The following CSGALNACT1 variants were observed in gnomAD, a reference collection of about 807,000 sequenced individuals.
The protein encoded by CSGALNACT1 is beta4GalNAcT-1.
Under a neutral mutation model 51.0 loss-of-function variants are expected in CSGALNACT1, and 52 were observed. That is an observed-to-expected ratio of 1.02 (90% CI 0.82 to 1.29). The LOEUF (loss-of-function observed/expected upper bound fraction) is 1.29, where lower values mean the gene tolerates loss of function less well. Ranked by LOEUF, CSGALNACT1 falls within the 50% of genes most tolerant of loss-of-function variation. CSGALNACT1 has a pLI of 0.00. For missense variants in CSGALNACT1, 935 were observed against 679.2 expected (o/e 1.38, Z -4.19); for synonymous variants, 341 against 254.4 (o/e 1.34, Z -3.24).
At chr8:19,670,114 G>A (rs1018448332) in intron 1 of CSGALNACT1, among the ~76,000 whole-genome samples, 4 of 152,042 alleles carry the variant, frequency 2.6e-5, no homozygotes, top group Admixed American at 6.6e-5. Context: ...TCCCCAGATC[G>A]CATGCAACTT....
chr8:19,676,476 A>G (rs2094724349), intron 1 of CSGALNACT1, among the ~76,000 whole-genome samples: 1 of 152,252 alleles, frequency 6.6e-6, no homozygotes, highest in South Asian at 2.1e-4. Flanking sequence ...GGTAACAGTC[A>G]AGAAAAGTCA....
chr8:19,610,012 A>G (rs2051983846), intron 1 of CSGALNACT1, among the ~76,000 whole-genome samples: 1 of 152,016 alleles, frequency 6.6e-6, no homozygotes, highest in South Asian at 2.1e-4. Context: ...CGAGGTCAGG[A>G]GTTCAAGACG....
Position 19,757,876 on chromosome 8 carries a change from C to T in CSGALNACT1, c.-323G>A, listed in dbSNP as rs950669323. 2.0e-5 allele frequency: 3 copies of T among 152,420 alleles called. No individual in the cohort carries two copies. Among genetic ancestry groups the T allele is most frequent in the Admixed American group, 2.0e-4 (3 of 15,280 alleles). 9.4% of individuals were successfully genotyped at this position (152,420 alleles called of 1,614,324 possible). On this transcript the variant is annotated 5_prime_UTR_variant, in exon 1 of 2. Coordinates refer to the CSGALNACT1 transcript ENST00000517494. This position sits in a 1 kb window ranked among gnomAD's most constrained non-coding sequence, Gnocchi z 4.0. ...GCGAAGGTCAGGAACCCCTGTAACT[C>T]TCACACCGCACCACTGTGGGTAAGC...
At chr8:19,567,594 CT>C (rs748279634) in intron 3 of CSGALNACT1, among the ~76,000 whole-genome samples, 40 of 152,312 alleles carry the variant, frequency 2.6e-4, no homozygotes, top group Admixed American at 9.1e-4. Flanking sequence ...ACTACCATCA[CT>C]TTTCTTAAAC....
intron 1 of CSGALNACT1, among the ~76,000 whole-genome samples, chr8:19,667,883 A>C (rs1313733302): frequency 1.3e-5 from 2 of 152,246 alleles, no homozygotes; most frequent in Non-Finnish European, 2.9e-5. Context: ...TATTAAACTC[A>C]ATGAACGATC....
At chr8:19,465,967 A>C (rs12550144) in intron 4 of CSGALNACT1, among the ~76,000 whole-genome samples, 5,201 of 152,302 alleles carry the variant, frequency 0.034, 327 homozygotes, top group African/African-American at 0.12. Context: ...AGAATAAACA[A>C]GGTAAAGTCT....
intron 1 of CSGALNACT1, among the ~76,000 whole-genome samples, chr8:19,747,004 T>C (rs1028983538): frequency 1.3e-5 from 2 of 152,184 alleles, no homozygotes; most frequent in African/African-American, 4.8e-5. Context: ...GCCTTCACTT[T>C]AGTGGGTGGC....
intron 1 of CSGALNACT1, among the ~76,000 whole-genome samples, chr8:19,646,426 G>A (rs1169410334): frequency 6.6e-6 from 1 of 152,162 alleles, no homozygotes. Context: ...AAGATAATTT[G>A]AAGAGATACT....
intron 2 of CSGALNACT1, among the ~76,000 whole-genome samples, chr8:19,599,520 G>GAAAGAAAAGA (rs1554751496): frequency 1.6e-5 from 2 of 127,156 alleles, no homozygotes; most frequent in African/African-American, 5.8e-5. Flanking sequence ...AAGAAAGAAA[G>GAAAGAAAAGA]AAAGAAAAGA....
intron 4 of CSGALNACT1, among the ~76,000 whole-genome samples, chr8:19,473,268 T>C (rs2068633531): frequency 6.6e-6 from 1 of 152,200 alleles, no homozygotes; most frequent in South Asian, 2.1e-4. Context: ...TGATATTGCT[T>C]GAAAAACCCA....
intron 3 of CSGALNACT1, among the ~76,000 whole-genome samples, chr8:19,529,163 G>A (rs920735842): frequency 2.6e-5 from 4 of 152,168 alleles, no homozygotes; most frequent in Admixed American, 6.5e-5. Context: ...GGGGTCAACG[G>A]TAACTTAAAA....
intron 3 of CSGALNACT1, among the ~76,000 whole-genome samples, chr8:19,587,267 T>C (rs2154129289): frequency 6.6e-6 from 1 of 152,330 alleles, no homozygotes; most frequent in African/African-American, 2.4e-5. Context: ...TGTAGTTTTA[T>C]TAAAGCTCCA....
rs117004729 is a variant in CSGALNACT1, at chr8:19,423,857, T to C, written c.954-3339A>G. Among the ~76,000 whole-genome samples the C allele has an allele frequency of 1.1e-4, 17 of 152,318 alleles. No individual in the cohort carries two copies. The East Asian group carries it at 2.7e-3, about 24-fold the overall frequency. Reference sequence around the variant, plus strand: ...GCACTACCCAATCTGAATATGCATTTTGAATTCACTTCATGTGTCCACAGG... The same window carrying C: ...GCACTACCCAATCTGAATATGCATTCTGAATTCACTTCATGTGTCCACAGG... On this transcript the variant is annotated intron_variant, in intron 6 of 9. Coordinates refer to ENST00000454498, the Ensembl canonical transcript of CSGALNACT1.
At chr8:19,412,536 C>A (rs2056025559) in intron 8 of CSGALNACT1, among the ~76,000 whole-genome samples, 1 of 152,194 alleles carries the variant, frequency 6.6e-6, no homozygotes, top group South Asian at 2.1e-4. Flanking sequence ...GGCAGAGCGC[C>A]TCCTTTCAAT....
At chr8:19,644,561 T>C (rs1347046668) in intron 1 of CSGALNACT1, among the ~76,000 whole-genome samples, 2 of 151,076 alleles carry the variant, frequency 1.3e-5, no homozygotes, top group Non-Finnish European at 3.0e-5. Context: ...AATACAAAAA[T>C]TAGCTGGGCA....
intron 8 of CSGALNACT1, among the ~76,000 whole-genome samples, chr8:19,415,699 T>C (rs1431357701): frequency 6.6e-6 from 1 of 152,232 alleles, no homozygotes; most frequent in East Asian, 1.9e-4. Flanking sequence ...GAATTTGAAA[T>C]GGAAATGTTA....
chr8:19,654,450 C>A (rs1216430485), intron 1 of CSGALNACT1, among the ~76,000 whole-genome samples: 1 of 152,152 alleles, frequency 6.6e-6, no homozygotes, highest in Non-Finnish European at 1.5e-5. Flanking sequence ...CACAGCAGCC[C>A]CAACTCCTTA....
At chr8:19,543,142 T>C (rs1237583249) in intron 3 of CSGALNACT1, among the ~76,000 whole-genome samples, 2 of 152,194 alleles carry the variant, frequency 1.3e-5, no homozygotes, top group Non-Finnish European at 2.9e-5. Context: ...TAGATGTATA[T>C]TATATACAGA....
Position 19,574,312 on chromosome 8 carries a change from C to T in CSGALNACT1, c.-297+16848G>A, listed in dbSNP as rs1414981313. On this transcript the variant is annotated intron_variant, in intron 3 of 9. Transcript: ENST00000454498. ...CCATCTCTCCTGCAGGTCCTCCAGA[C>T]CCAGCAAATGCAACCTAGTGCCAAT... 2.6e-5 allele frequency among the ~76,000 whole-genome samples: 4 copies of T among 152,186 alleles called. No homozygotes were observed. In the East Asian group the frequency reaches 7.7e-4, roughly 29 times the overall value.
Sources: gnomAD v4.1 joint callset for allele counts (sites outside exome capture counted in the v4.1 genomes callset) on GRCh38, gnomAD v4.1.1 for gene constraint, Gnocchi (gnomAD v3.1) non-coding constraint, MANE v1.5 for transcripts, NCBI Gene and HGNC (gene_info 2026-07-23, HGNC 2026-07-21) for gene names.